Variants in CPQ observed in about 807,000 individuals in gnomAD.
CPQ encodes carboxypeptidase Q.
In CPQ, 37 loss-of-function variants were observed where a neutral mutation model predicts 45.7. That is an observed-to-expected ratio of 0.81 (90% CI 0.62 to 1.07). CPQ has a LOEUF of 1.07. Among genes scored for constraint, CPQ ranks in the 50% least tolerant of loss-of-function variants. CPQ has a pLI of 0.00. For missense variants in CPQ, 537 were observed against 572.9 expected, an observed-to-expected ratio of 0.94 and a Z score of 0.64; for synonymous variants, 186 against 205.8, an observed-to-expected ratio of 0.90 and a Z score of 0.82.
At chr8:96,656,046 G>T (rs1287947586) in intron 1 of CPQ, among the ~76,000 whole-genome samples, 1 of 152,126 alleles carries the variant, frequency 6.6e-6, no homozygotes, top group Admixed American at 6.5e-5. Flanking sequence ...GTAGAGAGGG[G>T]TTTCACCATG....
intron 2 of CPQ, among the ~76,000 whole-genome samples, chr8:96,786,084 A>G (rs146836190): frequency 6.6e-6 from 1 of 152,178 alleles, no homozygotes; most frequent in African/African-American, 2.4e-5. Flanking sequence ...GCGATTTTTA[A>G]TATATTCACA....
chr8:97,031,966 A>G (rs1330370027), intron 6 of CPQ, among the ~76,000 whole-genome samples: 3 of 152,338 alleles, frequency 2.0e-5, no homozygotes, highest in Admixed American at 6.5e-5. Flanking sequence ...TATTGACATT[A>G]CTAAGACTAT....
At chr8:96,763,297 T>A (rs775024723) in intron 1 of CPQ, among the ~76,000 whole-genome samples, 7 of 152,184 alleles carry the variant, frequency 4.6e-5, no homozygotes, top group Non-Finnish European at 1.0e-4. Flanking sequence ...AAAGTGTTTT[T>A]TTCCCATATG....
At chr8:97,061,420 T>C (rs1810550446) in intron 6 of CPQ, among the ~76,000 whole-genome samples, 1 of 152,118 alleles carries the variant, frequency 6.6e-6, no homozygotes, top group African/African-American at 2.4e-5. Context: ...AAGTGAGGAC[T>C]TGTGGCCTGA....
chr8:97,096,443 A>G (rs539092233), intron 7 of CPQ, among the ~76,000 whole-genome samples: 91 of 152,344 alleles, frequency 6.0e-4, no homozygotes, highest in African/African-American at 2.1e-3. Context: ...TTTATCTCCT[A>G]GAAAGGGAAA....
chr8:97,064,865 G>T (rs1370543813), intron 6 of CPQ, among the ~76,000 whole-genome samples: 1 of 152,110 alleles, frequency 6.6e-6, no homozygotes, highest in Non-Finnish European at 1.5e-5. Flanking sequence ...GGAAAGCAGA[G>T]GGTTTCAGAG....
At chr8:96,743,783 T>TGCTCAGG (rs1810131038) in intron 1 of CPQ, among the ~76,000 whole-genome samples, 2 of 152,236 alleles carry the variant, frequency 1.3e-5, no homozygotes, top group Non-Finnish European at 2.9e-5. Flanking sequence ...CCAGTTAGGC[T>TGCTCAGG]GCTCAGGGGT....
intron 1 of CPQ, among the ~76,000 whole-genome samples, chr8:96,688,064 T>C (rs1809256428): frequency 6.6e-6 from 1 of 152,124 alleles, no homozygotes; most frequent in South Asian, 2.1e-4. Flanking sequence ...GAGATTTTAT[T>C]TTCTAATTTA....
intron 3 of CPQ, among the ~76,000 whole-genome samples, chr8:96,875,125 T>G (rs149072402): frequency 2.4e-4 from 37 of 152,082 alleles, no homozygotes; most frequent in African/African-American, 8.4e-4. Flanking sequence ...CATTTATGTA[T>G]CTTCTTTGGA....
chr8:97,042,587 A>G (rs1347819204), intron 6 of CPQ, among the ~76,000 whole-genome samples: 3 of 150,798 alleles, frequency 2.0e-5, no homozygotes, highest in Admixed American at 1.3e-4. Flanking sequence ...TAGGGTGTCA[A>G]TTTTGGATCT....
intron 1 of CPQ, among the ~76,000 whole-genome samples, chr8:96,687,612 TTA>T: frequency 6.6e-6 from 1 of 152,252 alleles, no homozygotes; most frequent in East Asian, 1.9e-4. Context: ...AGTGCTTATA[TTA>T]TCTCTTTCAT....
At chr8:96,967,410 A>G (rs1813584900) in intron 5 of CPQ, among the ~76,000 whole-genome samples, 1 of 152,194 alleles carries the variant, frequency 6.6e-6, no homozygotes, top group Non-Finnish European at 1.5e-5. Context: ...TTAAACTGTA[A>G]GCTTCAGAGT....
intron 7 of CPQ, among the ~76,000 whole-genome samples, chr8:97,067,676 G>T (rs1460124714): frequency 6.6e-6 from 1 of 152,146 alleles, no homozygotes; most frequent in East Asian, 1.9e-4. Flanking sequence ...AAAAATAAAA[G>T]GAGCTTTTCT....
At chr8:96,854,407 T>C (rs1285243615) in intron 3 of CPQ, among the ~76,000 whole-genome samples, 1 of 148,070 alleles carries the variant, frequency 6.8e-6, no homozygotes, top group Non-Finnish European at 1.5e-5. Context: ...GGCGGGCGCC[T>C]GTAGTCCCAG....
At chr8:96,822,288 TTATCCATTCATTC>T (rs2130838050) in intron 2 of CPQ, among the ~76,000 whole-genome samples, 1 of 152,160 alleles carries the variant, frequency 6.6e-6, no homozygotes, top group African/African-American at 2.4e-5. Context: ...CACATTTCCT[TTATCCATTCATTC>T]ACTGATGGAC....
At chr8:96,911,710 A>G (rs1324019329) in intron 4 of CPQ, among the ~76,000 whole-genome samples, 1 of 152,212 alleles carries the variant, frequency 6.6e-6, no homozygotes, top group Non-Finnish European at 1.5e-5. Flanking sequence ...CAGAAACCCT[A>G]CTACTGACCA....
chr8:96,910,753 C>T (rs369810475), intron 4 of CPQ, among the ~76,000 whole-genome samples: 4 of 152,286 alleles, frequency 2.6e-5, no homozygotes, highest in African/African-American at 9.6e-5. Flanking sequence ...ATCTGCCTGC[C>T]TTGGCCTCCC....
intron 3 of CPQ, among the ~76,000 whole-genome samples, chr8:96,847,602 G>A (rs981261982): frequency 2.6e-5 from 4 of 152,258 alleles, no homozygotes; most frequent in Non-Finnish European, 4.4e-5. Context: ...CCACAGATAA[G>A]TCAACTAATT....
At chr8:97,053,227 C>A (rs1042978513) in intron 6 of CPQ, among the ~76,000 whole-genome samples, 50 of 152,158 alleles carry the variant, frequency 3.3e-4, no homozygotes, top group African/African-American at 1.2e-3. Context: ...CTACTAAGTG[C>A]CAGGCAGTGT....
Sources: gnomAD v4.1 joint callset for allele counts (sites outside exome capture counted in the v4.1 genomes callset) on GRCh38, gnomAD v4.1.1 for gene constraint, MANE v1.5 for transcripts, NCBI Gene and HGNC (gene_info 2026-07-23, HGNC 2026-07-21) for gene names.